Variants in RIT1 observed in about 807,000 individuals in gnomAD.
RIT1 encodes the protein GTP-binding protein Rit1.
Under a neutral mutation model 25.6 loss-of-function variants are expected in RIT1, and 6 were observed. The ratio of observed to expected loss-of-function variants is 0.23; its 90% CI spans 0.13 to 0.46. The LOEUF is 0.46. Ranked by LOEUF, RIT1 falls within the 20% of genes least tolerant of loss-of-function variation. The probability of loss-of-function intolerance (pLI) is 0.99; values close to 1 mark genes in which losing one functional copy is unlikely to be tolerated. For missense variants in RIT1, 219 were observed against 284.4 expected (o/e 0.77, Z 1.65); for synonymous variants, 81 against 94.1 (o/e 0.86, Z 0.80).
Position 155,904,188 on chromosome 1 carries a change from C to G in RIT1, c.429+123G>C, listed in dbSNP as rs901361798. The G allele has an allele frequency of 8.1e-6, 6 of 739,088 alleles. No individual in the cohort carries two copies. The African/African-American group carries it at 1.1e-4, about 13-fold the overall frequency. 45.8% of individuals were successfully genotyped at this position (739,088 alleles called of 1,614,324 possible). ...CAAAGTACTGGTGTGAGCCACCTCA[C>G]CCAGCCTGATTTTCTATTTTAAGGC... On this transcript the variant is annotated intron_variant, in intron 5 of 5. Coordinates refer to ENST00000368323, the MANE Select transcript of RIT1 (RefSeq NM_006912.6).
chr1:155,899,074 G>A lies in RIT1; in HGVS notation c.*1314C>T, dbSNP rs1486950560. ...CTTAGCATTTTTGCATTTACTCTCC[G>A]CATATAACAAGGTCAGATATCAAAA... On this transcript the variant is annotated 3_prime_UTR_variant, in exon 6 of 6. Coordinates refer to ENST00000368323, the MANE Select transcript of RIT1 (RefSeq NM_006912.6). The A allele has an allele frequency of 3.4e-5, 7 of 206,262 alleles. No homozygotes were observed. Among genetic ancestry groups the A allele is most frequent in the African/African-American group, 6.8e-5 (3 of 43,878 alleles). The allele number at this position is 206,262 out of a possible 1,614,324, so 12.8% of individuals were successfully genotyped here.
chr1:155,907,109 A>G (rs1382762671), intron 3 of RIT1, among the ~76,000 whole-genome samples: 1 of 151,992 alleles, frequency 6.6e-6, no homozygotes, highest in East Asian at 1.9e-4. Flanking sequence ...CCCTGTCTCA[A>G]AAAAAAAGAA....
In RIT1 at chr1:155,910,841, A is replaced by G. The variant is rs1673581525; in HGVS notation, c.-43-37T>C. 2.5e-6 allele frequency: 4 copies of G among 1,610,298 alleles called. No homozygotes were observed. In the Admixed American group the frequency reaches 6.8e-5, roughly 27 times the overall value. On this transcript the variant is annotated intron_variant, in intron 1 of 5. Transcript: ENST00000368323. ...GGAGGAAATGCTTAATCCAGGATGG[A>G]GACACCACGGCGACAGCCCTCAAGC...
rs1239132420 is a variant in RIT1, at chr1:155,898,913, C to A, written c.*1475G>T. 1 of 209,090 alleles carries A rather than the reference C, an allele frequency of 4.8e-6. No homozygotes were observed. Among genetic ancestry groups the A allele is most frequent in the African/African-American group, 2.3e-5 (1 of 44,028 alleles). The allele number at this position is 209,090 out of a possible 1,614,324, so 13.0% of individuals were successfully genotyped here. A position where few individuals can be genotyped will look rare whatever the true frequency, so the allele number is the denominator to read the frequency against. On this transcript the variant is annotated 3_prime_UTR_variant, in exon 6 of 6. Transcript: ENST00000368323. ...TAAAGAAAAACACAACTCTGTCCTA[C>A]TTCCTCTAATAAAAATGGAAAATAT...
intron 3 of RIT1, 91 bp downstream of exon 3, chr1:155,910,359 G>C: frequency 9.0e-7 from 1 of 1,112,210 alleles, no homozygotes; most frequent in Non-Finnish European, 1.3e-6. Flanking sequence ...CTCCAAAAAA[G>C]CCTCAAAATA....
intron 4 of RIT1, 95 bp from the exon 5 acceptor site, chr1:155,904,597 G>T: frequency 7.9e-7 from 1 of 1,268,152 alleles, no homozygotes; most frequent in East Asian, 2.4e-5. Context: ...AACGCATGTC[G>T]ATTACCTGCT....
intron 5 of RIT1, among the ~76,000 whole-genome samples, chr1:155,902,874 AAAAG>A (rs1673341412): frequency 6.6e-6 from 1 of 151,868 alleles, no homozygotes; most frequent in Non-Finnish European, 1.5e-5. Flanking sequence ...AAATTAAAAA[AAAAG>A]AAAGCTGGGC....
Position 155,898,424 on chromosome 1 carries a change from T to A in RIT1, c.*1964A>T, listed in dbSNP as rs1161164646. The A allele has an allele frequency of 6.9e-6, 1 of 144,312 alleles. No individual in the cohort carries two copies. 8.9% of individuals were successfully genotyped at this position (144,312 alleles called of 1,614,324 possible). A position where few individuals can be genotyped will look rare whatever the true frequency, so the allele number is the denominator to read the frequency against. On this transcript the variant is annotated 3_prime_UTR_variant, in exon 6 of 6. Coordinates refer to ENST00000368323, the MANE Select transcript of RIT1 (RefSeq NM_006912.6). The stretch of plus-strand genomic sequence containing the variant: ...GCTCATGCCTGTAATCCCAGCATAT[T>A]GGGAGGATTGCTTGAGCCTAGGAGT...
chr1:155,910,369 A>G, intron 3 of RIT1, 81 bp downstream of exon 3: 3 of 1,250,596 alleles, frequency 2.4e-6, no homozygotes, highest in South Asian at 1.3e-5. Context: ...GCCTCAAAAT[A>G]TAAATAGTTA....
intron 3 of RIT1, among the ~76,000 whole-genome samples, chr1:155,906,290 C>A (rs1464211487): frequency 6.6e-6 from 1 of 152,130 alleles, no homozygotes; most frequent in African/African-American, 2.4e-5. Flanking sequence ...CTGCTTACAT[C>A]TCAATGTATT....
chr1:155,910,614 C>T, intron 2 of RIT1, 42 bp downstream of exon 2: 3 of 1,610,858 alleles, frequency 1.9e-6, no homozygotes, highest in Non-Finnish European at 2.5e-6. Flanking sequence ...CATTTAAGTA[C>T]TTTTCATCCA....
chr1:155,901,774 C>T (rs957028770), intron 5 of RIT1, among the ~76,000 whole-genome samples: 3 of 151,754 alleles, frequency 2.0e-5, no homozygotes, highest in Admixed American at 6.6e-5. Flanking sequence ...GCCATGTTTG[C>T]GCCACTGCAC....
At chr1:155,909,333 G>A (rs1442284923) in intron 3 of RIT1, among the ~76,000 whole-genome samples, 1 of 151,494 alleles carries the variant, frequency 6.6e-6, no homozygotes, top group Non-Finnish European at 1.5e-5. Context: ...AGCCGAGATT[G>A]TGCCACCGCA....
intron 3 of RIT1, 147 bp from the exon 4 acceptor site, chr1:155,904,951 C>T (rs1490759046): frequency 5.0e-6 from 3 of 602,462 alleles, no homozygotes; most frequent in Non-Finnish European, 8.9e-6. Context: ...CACTGAGATA[C>T]ATAAACTGAG....
rs1157330685 is a variant in RIT1 at position 155,900,484 on chromosome 1, C to T, written c.564G>A (p.Glu188=). 6 of 1,614,158 alleles carry T rather than the reference C, an allele frequency of 3.7e-6. No homozygotes were observed. The highest frequency in any genetic ancestry group is 3.3e-5 in the South Asian group (3 of 91,084). ...LVREIRRKEK[E]AVLAMEKKSK... ...ATTTTTTCTCCATGGCCAGTACTGC[C>T]TCCTTTTCTTTCCTACGTATCTCCC... The change falls in exon 6 of 6, where the codon GAG becomes GAA. Residue 188 remains glutamate, a synonymous_variant. Transcript: ENST00000368323.
intron 3 of RIT1, among the ~76,000 whole-genome samples, chr1:155,906,873 A>G (rs1673454173): frequency 6.6e-6 from 1 of 152,098 alleles, no homozygotes; most frequent in South Asian, 2.1e-4. Flanking sequence ...TGGGAGGTCC[A>G]GGTGGGAGGA....
At chr1:155,902,362 A>C (rs1409692961) in intron 5 of RIT1, among the ~76,000 whole-genome samples, 1 of 70,650 alleles carries the variant, frequency 1.4e-5, no homozygotes, top group African/African-American at 5.6e-5. Flanking sequence ...CTTTTATATC[A>C]AAAAAAAAAA....
At chr1:155,911,177 AT>A in intron 1 of RIT1, 65 bp downstream of exon 1, 1 of 410,342 alleles carries the variant, frequency 2.4e-6, no homozygotes, top group South Asian at 2.7e-5. Context: ...CCCCCTCCCC[AT>A]TCTCCTCCGA....
At chr1:155,907,274 CTG>C (rs1673464880) in intron 3 of RIT1, among the ~76,000 whole-genome samples, 2 of 147,564 alleles carry the variant, frequency 1.4e-5, no homozygotes, top group Non-Finnish European at 3.0e-5. Context: ...AAGTCTCACT[CTG>C]TCGCTCAGGG....
Sources: gnomAD v4.1 joint callset for allele counts (sites outside exome capture counted in the v4.1 genomes callset) on GRCh38, gnomAD v4.1.1 for gene constraint, MANE v1.5 for transcripts, NCBI Gene and HGNC (gene_info 2026-07-23, HGNC 2026-07-21) for gene names.